LCORL: variants seen among roughly 807,000 people sequenced by gnomAD.
LCORL encodes the protein ligand-dependent nuclear receptor corepressor-like protein.
A neutral mutation model predicts 141.8 loss-of-function variants in LCORL; 41 were observed. That is an observed-to-expected ratio of 0.29 (90% CI 0.23 to 0.38). LCORL has a LOEUF of 0.38. LCORL is among the 10% of genes least tolerant of loss of function. The pLI is 1.00. For missense variants in LCORL, 1,759 were observed against 2,035.0 expected (o/e 0.86, Z 2.61); for synonymous variants, 618 against 694.1 (o/e 0.89, Z 1.72).
chr4:17,842,231 T>C, exon 8 of LCORL: 1 of 1,222,330 alleles, frequency 8.2e-7, no homozygotes, highest in South Asian at 1.3e-5. Flanking sequence ...AGACAAAGGA[T>C]TTAGTTAGCC....
At chr4:17,935,845 A>G (rs1168110257) in intron 4 of LCORL, among the ~76,000 whole-genome samples, 1 of 152,342 alleles carries the variant, frequency 6.6e-6, no homozygotes, top group South Asian at 2.1e-4. Flanking sequence ...TAATTTAACT[A>G]CAGTTGAAAA....
At chr4:17,961,842 A>G in intron 4 of LCORL, 61 bp downstream of exon 4, 1 of 1,493,054 alleles carries the variant, frequency 6.7e-7, no homozygotes, top group Non-Finnish European at 9.1e-7. Flanking sequence ...TTTGTGTAAA[A>G]AAATTCCAAC....
intron 4 of LCORL, among the ~76,000 whole-genome samples, chr4:17,930,473 C>T (rs895036912): frequency 4.1e-4 from 63 of 152,128 alleles, no homozygotes; most frequent in African/African-American, 1.4e-3. Flanking sequence ...CCAGTGTTTC[C>T]ACATTAAGTA....
At chr4:17,882,282 G>A (rs1727675615) in intron 6 of LCORL, 1 of 984,446 alleles carries the variant, frequency 1.0e-6, no homozygotes, top group Non-Finnish European at 1.2e-6. Context: ...AACTGGCTTA[G>A]AAAAATGATC....
At chr4:17,978,044 C>T (rs978243669) in intron 1 of LCORL, among the ~76,000 whole-genome samples, 1 of 152,062 alleles carries the variant, frequency 6.6e-6, no homozygotes, top group African/African-American at 2.4e-5. Flanking sequence ...CTTTTTAGTC[C>T]TTGAACATAA....
intron 1 of LCORL, among the ~76,000 whole-genome samples, chr4:18,001,046 C>A (rs536745907): frequency 1.1e-4 from 16 of 152,266 alleles, no homozygotes; most frequent in African/African-American, 3.6e-4. Flanking sequence ...TGGCTCACAC[C>A]TATAATCCCA....
chr4:18,009,758 A>T (rs1723392800), intron 1 of LCORL, among the ~76,000 whole-genome samples: 1 of 151,814 alleles, frequency 6.6e-6, no homozygotes, highest in Non-Finnish European at 1.5e-5. Flanking sequence ...CACAGATACC[A>T]TATCACCCTG....
intron 4 of LCORL, among the ~76,000 whole-genome samples, chr4:17,938,469 T>C (rs1737263936): frequency 6.7e-6 from 1 of 149,220 alleles, no homozygotes; most frequent in Admixed American, 6.8e-5. Context: ...CAGGCTGGAG[T>C]GCAATGGTGC....
At chr4:17,930,396 T>C (rs1418884768) in intron 4 of LCORL, among the ~76,000 whole-genome samples, 1 of 152,198 alleles carries the variant, frequency 6.6e-6, no homozygotes, top group African/African-American at 2.4e-5. Context: ...AAAACTTCAA[T>C]ACAGTGTTAA....
At chr4:17,923,205 T>C (rs1485483970) in intron 4 of LCORL, among the ~76,000 whole-genome samples, 1 of 152,204 alleles carries the variant, frequency 6.6e-6, no homozygotes, top group East Asian at 1.9e-4. Context: ...GGGTGTGAGA[T>C]AATGGTGGAA....
exon 7 of LCORL, chr4:17,875,613 C>T (rs562312931): frequency 2.6e-4 from 322 of 1,231,038 alleles, no homozygotes; most frequent in Non-Finnish European, 3.1e-4. Flanking sequence ...TGATATGAGA[C>T]ATTCTGGGCT....
chr4:17,904,629 G>C (rs552320420), intron 5 of LCORL, among the ~76,000 whole-genome samples: 1 of 152,154 alleles, frequency 6.6e-6, no homozygotes, highest in African/African-American at 2.4e-5. Context: ...CAATTGCCCT[G>C]GAACTATTTA....
At chr4:17,875,199 C>T in exon 7 of LCORL, 6 of 1,231,728 alleles carry the variant, frequency 4.9e-6, no homozygotes, top group Non-Finnish European at 6.1e-6. Flanking sequence ...AGGTGAAGTT[C>T]TATTAATAGT....
At chr4:18,006,952 T>C (rs149168919) in intron 1 of LCORL, among the ~76,000 whole-genome samples, 3 of 152,302 alleles carry the variant, frequency 2.0e-5, no homozygotes, top group African/African-American at 4.8e-5. Flanking sequence ...AATGATTCTC[T>C]GTTCTTTCTC....
intron 4 of LCORL, among the ~76,000 whole-genome samples, chr4:17,954,602 T>C (rs754930222): frequency 1.3e-5 from 2 of 151,950 alleles, no homozygotes; most frequent in East Asian, 3.9e-4. Flanking sequence ...GGGGGAGAAG[T>C]AGAAACAAAA....
chr4:17,904,065 A>C (rs1396115686), intron 5 of LCORL, among the ~76,000 whole-genome samples: 1 of 152,054 alleles, frequency 6.6e-6, no homozygotes, highest in African/African-American at 2.4e-5. Flanking sequence ...AAAAAATATA[A>C]AACAATGAGT....
intron 6 of LCORL, among the ~76,000 whole-genome samples, chr4:17,880,125 T>C (rs903541951): frequency 4.0e-5 from 6 of 150,988 alleles, no homozygotes; most frequent in African/African-American, 9.7e-5. Flanking sequence ...GTAATTCCCA[T>C]CTAATGCTAT....
At chr4:17,989,034 C>T (rs1442180099) in intron 1 of LCORL, among the ~76,000 whole-genome samples, 1 of 152,168 alleles carries the variant, frequency 6.6e-6, no homozygotes, top group Non-Finnish European at 1.5e-5. Context: ...TTTTTGGTTT[C>T]CATGGATGTG....
chr4:17,998,037 T>C (rs1303508181), intron 1 of LCORL, among the ~76,000 whole-genome samples: 3 of 152,198 alleles, frequency 2.0e-5, no homozygotes, highest in African/African-American at 7.2e-5. Context: ...TAGAAGAGCC[T>C]ACTGTATACA....
Sources: gnomAD v4.1 joint callset for allele counts (sites outside exome capture counted in the v4.1 genomes callset) on GRCh38, gnomAD v4.1.1 for gene constraint, MANE v1.5 for transcripts, NCBI Gene and HGNC (gene_info 2026-07-23, HGNC 2026-07-21) for gene names.